ZNF423: variants seen among roughly 807,000 people sequenced by gnomAD.
The protein encoded by ZNF423 is Ebf-associated zinc finger protein.
In ZNF423, 12 loss-of-function variants were observed where a neutral mutation model predicts 95.8. That is an observed-to-expected ratio of 0.13 (90% CI 0.08 to 0.20). The LOEUF (loss-of-function observed/expected upper bound fraction) is 0.20, where lower values mean the gene tolerates loss of function less well. Ranked by LOEUF, ZNF423 falls within the 10% of genes least tolerant of loss-of-function variation. The pLI, the probability that ZNF423 is intolerant of heterozygous loss-of-function variation, is 1.00. For synonymous variants in ZNF423, 749 were observed against 711.9 expected (o/e 1.05, Z -0.83); for missense variants, 1,316 against 1,737.1 (o/e 0.76, Z 4.31).
At chr16:49,646,511 C>T (rs1332992596) in intron 3 of ZNF423, among the ~76,000 whole-genome samples, 1 of 151,830 alleles carries the variant, frequency 6.6e-6, no homozygotes, top group Non-Finnish European at 1.5e-5. Flanking sequence ...GAAACTGAGG[C>T]AACATGACAA....
intron 2 of ZNF423, among the ~76,000 whole-genome samples, chr16:49,738,972 A>C (rs1210414091): frequency 6.6e-6 from 1 of 151,932 alleles, no homozygotes; most frequent in Non-Finnish European, 1.5e-5. Flanking sequence ...AAATAAAGAC[A>C]GTCATTAAGT....
chr16:49,639,273 A>G (rs952818536), intron 3 of ZNF423, among the ~76,000 whole-genome samples: 1 of 152,200 alleles, frequency 6.6e-6, no homozygotes, highest in Non-Finnish European at 1.5e-5. Flanking sequence ...CTGTCACTTG[A>G]TCCACACCTG....
chr16:49,796,790 C>T (rs2034505683), intron 1 of ZNF423, among the ~76,000 whole-genome samples: 1 of 152,168 alleles, frequency 6.6e-6, no homozygotes, highest in African/African-American at 2.4e-5. Context: ...TGGAAGAAGG[C>T]TCTGGGTGTG....
intron 2 of ZNF423, among the ~76,000 whole-genome samples, chr16:49,734,586 T>C (rs575457714): frequency 6.6e-5 from 10 of 152,284 alleles, no homozygotes; most frequent in Non-Finnish European, 1.0e-4. Context: ...CCTGTCCTCC[T>C]GGGGGCTGTC....
intron 7 of ZNF423, among the ~76,000 whole-genome samples, chr16:49,515,285 A>G (rs1237970154): frequency 6.6e-6 from 1 of 152,266 alleles, no homozygotes; most frequent in Non-Finnish European, 1.5e-5. Context: ...TTTTTCTTGC[A>G]TCCCCTGTTA....
chr16:49,620,933 C>A (rs528672954), intron 5 of ZNF423, among the ~76,000 whole-genome samples: 4 of 152,312 alleles, frequency 2.6e-5, no homozygotes, highest in African/African-American at 9.6e-5. Flanking sequence ...ATATGTTCAA[C>A]ACATGTGGGC....
Position 49,636,829 on chromosome 16 carries a change from C to A in ZNF423, c.2347G>T (p.Gly783Cys), listed in dbSNP as rs1972740419. Residue 783 changes from glycine (G) to cysteine (C), a missense_variant, in exon 4 of 8, where the codon GGC becomes TGC. Coordinates refer to ENST00000563137, the MANE Select transcript of ZNF423 (RefSeq NM_001379286.1). The surrounding 1 kb of genome is among the most constrained non-coding windows in gnomAD (Gnocchi z 8.6). ...CACTTGTGAGCCTTGGCCGGGTTGCCCAGGTGGCTGTGTTTGACGTGCACC... is the reference window on the plus strand; with the variant it reads ...CACTTGTGAGCCTTGGCCGGGTTGCACAGGTGGCTGTGTTTGACGTGCACC... Reference protein sequence around the residue: ...LQVHVKHSHLGNPAKAHKCIF... With the variant: ...LQVHVKHSHLCNPAKAHKCIF... 6.2e-7 allele frequency: 1 copy of A among 1,613,982 alleles called. No homozygotes were observed. Among genetic ancestry groups the A allele is most frequent in the Non-Finnish European group, 8.5e-7 (1 of 1,180,042 alleles).
intron 3 of ZNF423, among the ~76,000 whole-genome samples, chr16:49,639,901 T>C (rs754344537): frequency 6.6e-6 from 1 of 151,952 alleles, no homozygotes; most frequent in Non-Finnish European, 1.5e-5. Context: ...CAGGACACAG[T>C]GAATAAAGCT....
chr16:49,767,100 G>A (rs1437985583), intron 2 of ZNF423, among the ~76,000 whole-genome samples: 1 of 151,934 alleles, frequency 6.6e-6, no homozygotes, highest in Admixed American at 6.6e-5. Flanking sequence ...CCACAGGTGT[G>A]TGCCACTCGT....
intron 1 of ZNF423, among the ~76,000 whole-genome samples, chr16:49,812,221 G>A (rs1173757335): frequency 6.6e-6 from 1 of 152,226 alleles, no homozygotes; most frequent in Non-Finnish European, 1.5e-5. Flanking sequence ...GCAGAGCTGG[G>A]ATTCAAATCC....
At chr16:49,738,727 G>A (rs2033348307) in intron 2 of ZNF423, among the ~76,000 whole-genome samples, 1 of 152,068 alleles carries the variant, frequency 6.6e-6, no homozygotes, top group Admixed American at 6.6e-5. Flanking sequence ...TGAGAGGGCA[G>A]CGGGGTCAGC....
At chr16:49,718,357 G>C (rs2032768865) in intron 3 of ZNF423, among the ~76,000 whole-genome samples, 1 of 152,190 alleles carries the variant, frequency 6.6e-6, no homozygotes, top group Admixed American at 6.5e-5. Context: ...AGTGAGCCGA[G>C]ATTATGCCAC....
Position 49,855,398 on chromosome 16 carries a change from C to G in ZNF423, c.40+337G>C, listed in dbSNP as rs1180388607. Among the ~76,000 whole-genome samples the G allele has an allele frequency of 7.9e-5, 12 of 150,992 alleles. No individual in the cohort carries two copies. Among genetic ancestry groups the G allele is most frequent in the Non-Finnish European group, 1.5e-4 (10 of 67,610 alleles). On this transcript the variant is annotated intron_variant, in intron 1 of 7. Transcript: ENST00000563137. This position sits in a 1 kb window ranked among gnomAD's most constrained non-coding sequence, Gnocchi z 4.7. ...CACCCCTTGATTGGCCACACGGGCC[C>G]GGGCCCCGCACGGAGGGAGCGGCAA...
At chr16:49,579,524 C>G (rs1325628881) in intron 5 of ZNF423, among the ~76,000 whole-genome samples, 1 of 152,058 alleles carries the variant, frequency 6.6e-6, no homozygotes, top group Admixed American at 6.6e-5. Flanking sequence ...CCGTGGGGAG[C>G]TTGGGAGTGG....
intron 1 of ZNF423, among the ~76,000 whole-genome samples, chr16:49,823,279 C>G (rs924195637): frequency 2.0e-5 from 3 of 152,224 alleles, no homozygotes; most frequent in African/African-American, 7.2e-5. Context: ...TCAGAGCAAC[C>G]TTTTCTCTTG....
At position 49,638,371 on chromosome 16, in the gene ZNF423, C is replaced by A. The variant is rs569889555; in HGVS notation, c.805G>T (p.Asp269Tyr). 23 of 1,614,076 alleles carry A rather than the reference C, an allele frequency of 1.4e-5. No individual in the cohort carries two copies. The Admixed American group carries it at 3.8e-4, about 27-fold the overall frequency. ...LAKSEKEAKKDDFMCDYCEDT... is the reference protein window; with the variant it reads ...LAKSEKEAKKYDFMCDYCEDT... ...TCGCAGTAGTCGCACATGAAGTCGT[C>A]CTTCTTGGCTTCCTTCTCCGACTTG... The change falls in exon 4 of 8, where the codon GAC becomes TAC. Residue 269 changes from aspartate (D) to tyrosine (Y), a missense_variant. This residue lies in a region of ZNF423 where 399 missense variants were observed against 478.5 expected (regional missense o/e 0.83). Transcript: ENST00000563137. This position sits in a 1 kb window ranked among gnomAD's most constrained non-coding sequence, Gnocchi z 5.6.
chr16:49,721,485 T>C (rs1326126148), intron 3 of ZNF423, among the ~76,000 whole-genome samples: 4 of 151,998 alleles, frequency 2.6e-5, no homozygotes, highest in African/African-American at 4.8e-5. Flanking sequence ...AAAGGCCAGT[T>C]TGGTGTACAT....
rs117981174 is a variant in ZNF423, at chr16:49,855,476, A to G, written c.40+259T>C. 0.18 allele frequency among the ~76,000 whole-genome samples: 27,227 copies of G among 149,048 alleles called. 2,617 individuals are homozygous for G. The highest frequency in any genetic ancestry group is 0.25 in the African/African-American group (10,081 of 40,340). Reference sequence around the variant, plus strand: ...GGGTCCCCCAAGGGCGACGGCGCCGAGTCCGGGCAGGGAGGGTGTCCGCGG... The same window carrying G: ...GGGTCCCCCAAGGGCGACGGCGCCGGGTCCGGGCAGGGAGGGTGTCCGCGG... On this transcript the variant is annotated intron_variant, in intron 1 of 7. Coordinates refer to ENST00000563137, the MANE Select transcript of ZNF423 (RefSeq NM_001379286.1). The surrounding 1 kb of genome is among the most constrained non-coding windows in gnomAD (Gnocchi z 4.7).
Position 49,525,357 on chromosome 16 carries a change from C to A in ZNF423, c.3733+6G>T, listed in dbSNP as rs201541196. On this transcript the variant is annotated splice_donor_region_variant and intron_variant, in intron 6 of 7. Coordinates refer to ENST00000563137, the MANE Select transcript of ZNF423 (RefSeq NM_001379286.1). Reference sequence around the variant, plus strand: ...TCCCCTGAGGGGCACAAGCTGGGTACCTTACCTGTGAAACACACGGGGCAT... The same window carrying A: ...TCCCCTGAGGGGCACAAGCTGGGTAACTTACCTGTGAAACACACGGGGCAT... The A allele has an allele frequency of 6.2e-7, 1 of 1,613,984 alleles. No individual in the cohort carries two copies. Among genetic ancestry groups the A allele is most frequent in the Non-Finnish European group, 8.5e-7 (1 of 1,179,920 alleles).
Sources: allele counts gnomAD v4.1 joint callset (sites outside exome capture counted in the v4.1 genomes callset), GRCh38; gene constraint gnomAD v4.1.1; regional missense constraint gnomAD v4.1.1; non-coding constraint Gnocchi (gnomAD v3.1); transcripts MANE v1.5; gene names NCBI Gene and HGNC (gene_info 2026-07-23, HGNC 2026-07-21).